Variants in UGT8 observed in about 807,000 individuals in gnomAD.
The protein encoded by UGT8 is UDP glycosyltransferase 8, also known as 2-hydroxyacylsphingosine 1-beta-galactosyltransferase.
In UGT8, 12 loss-of-function variants were observed where a neutral mutation model predicts 40.5. That is an observed-to-expected ratio of 0.30 (90% CI 0.19 to 0.48). UGT8 has a LOEUF of 0.48. Among genes scored for constraint, UGT8 ranks in the 20% least tolerant of loss-of-function variants. UGT8 has a pLI of 0.99. For missense variants in UGT8, 513 were observed against 648.7 expected (o/e 0.79, Z 2.27); for synonymous variants, 224 against 240.4 (o/e 0.93, Z 0.63).
chr4:114,634,105 G>T (rs902845187), intron 2 of UGT8, among the ~76,000 whole-genome samples: 6 of 152,194 alleles, frequency 3.9e-5, no homozygotes, highest in Non-Finnish European at 7.3e-5. Context: ...TATTTGGGAG[G>T]TAGAATTGAA....
At chr4:114,632,665 A>G (rs1732646127) in intron 2 of UGT8, among the ~76,000 whole-genome samples, 1 of 152,224 alleles carries the variant, frequency 6.6e-6, no homozygotes, top group Non-Finnish European at 1.5e-5. Flanking sequence ...TTTAAGAAAA[A>G]CATTAGGTTC....
chr4:114,674,057 A>AT (rs1735466420), intron 5 of UGT8, among the ~76,000 whole-genome samples: 2 of 152,102 alleles, frequency 1.3e-5, no homozygotes, highest in Non-Finnish European at 2.9e-5. Flanking sequence ...CTGCCTCTCA[A>AT]TTTTTTTGCA....
intron 1 of UGT8, among the ~76,000 whole-genome samples, chr4:114,619,084 T>C (rs1731612614): frequency 6.6e-6 from 1 of 152,126 alleles, no homozygotes; most frequent in Admixed American, 6.5e-5. Flanking sequence ...GTATTCTCTC[T>C]TCTTTTTATA....
chr4:114,663,233 T>G (rs1734661097), intron 2 of UGT8, among the ~76,000 whole-genome samples: 1 of 152,142 alleles, frequency 6.6e-6, no homozygotes, highest in South Asian at 2.1e-4. Flanking sequence ...TAACTCTTCC[T>G]GAGCTAGAGA....
upstream of UGT8, chr4:114,598,670 A>G (rs11098260): frequency 0.77 from 116,376 of 151,606 alleles, 45,888 homozygotes; most frequent in South Asian, 0.89. Context: ...GCGCGCTCCG[A>G]CTCTGCTCGC....
chr4:114,651,481 G>A (rs544834032), intron 2 of UGT8, among the ~76,000 whole-genome samples: 1 of 152,032 alleles, frequency 6.6e-6, no homozygotes, highest in Non-Finnish European at 1.5e-5. Flanking sequence ...AAGATTAAAA[G>A]CAAGAACAAA....
chr4:114,669,213 AG>A (rs1246142968), intron 5 of UGT8, among the ~76,000 whole-genome samples: 2 of 152,188 alleles, frequency 1.3e-5, no homozygotes, highest in Admixed American at 1.3e-4. Flanking sequence ...ATGTGAGCTC[AG>A]GGGTGACCTT....
intron 1 of UGT8, among the ~76,000 whole-genome samples, chr4:114,615,433 A>T (rs1288893340): frequency 6.6e-6 from 1 of 152,090 alleles, no homozygotes; most frequent in African/African-American, 2.4e-5. Flanking sequence ...AGCACTGAAA[A>T]TCCCACATCC....
chr4:114,662,816 CT>C (rs142469406), intron 2 of UGT8, among the ~76,000 whole-genome samples: 5 of 53,192 alleles, frequency 9.4e-5, no homozygotes, highest in South Asian at 1.3e-3. Context: ...TGTGACCATG[CT>C]TTTTTTTTTT....
Position 114,676,147 on chromosome 4 carries a change from G to A in UGT8, c.1485G>A (p.Val495=). 1.2e-6 allele frequency: 2 copies of A among 1,614,032 alleles called. No individual in the cohort carries two copies. The highest frequency in any genetic ancestry group is 1.3e-5 in the African/African-American group (1 of 74,970). The change falls in exon 6 of 6, where the codon GTG becomes GTA. Residue 495 remains valine (V), a synonymous_variant. Coordinates refer to ENST00000310836, the MANE Select transcript of UGT8 (RefSeq NM_001128174.3). The part of the protein sequence containing the change: ...AALLYFLLSW[V]TKFIYRKIKS... ...TGTTATACTTTCTCTTGTCTTGGGT[G>A]ACAAAATTTATCTACAGAAAAATCA...
intron 2 of UGT8, among the ~76,000 whole-genome samples, chr4:114,638,988 G>A (rs904469565): frequency 6.6e-5 from 10 of 152,094 alleles, no homozygotes; most frequent in African/African-American, 1.7e-4. Flanking sequence ...TACCTATATC[G>A]TTGGCTTATT....
chr4:114,650,028 A>G (rs1733805815), intron 2 of UGT8, among the ~76,000 whole-genome samples: 1 of 152,190 alleles, frequency 6.6e-6, no homozygotes, highest in Admixed American at 6.5e-5. Flanking sequence ...AACCACTTTC[A>G]TTGGTATGCA....
intron 4 of UGT8, among the ~76,000 whole-genome samples, chr4:114,666,645 A>G (rs939207109): frequency 3.3e-5 from 5 of 152,192 alleles, no homozygotes; most frequent in Admixed American, 1.3e-4. Flanking sequence ...CTGACTATCA[A>G]CTATTTCAGT....
chr4:114,662,277 T>G (rs1032666903), intron 2 of UGT8, among the ~76,000 whole-genome samples: 3 of 152,218 alleles, frequency 2.0e-5, no homozygotes, highest in African/African-American at 7.2e-5. Flanking sequence ...GAAAATCATC[T>G]GCCAAGACAG....
intron 2 of UGT8, among the ~76,000 whole-genome samples, chr4:114,629,171 T>C (rs1355993142): frequency 1.3e-5 from 2 of 152,188 alleles, no homozygotes. Context: ...TGTTATCTTA[T>C]GAAATTTAAA....
intron 5 of UGT8, among the ~76,000 whole-genome samples, chr4:114,675,201 T>C (rs1735548152): frequency 6.6e-6 from 1 of 152,168 alleles, no homozygotes; most frequent in African/African-American, 2.4e-5. Context: ...TAGAATGAAG[T>C]TCTGTATCTT....
At chr4:114,674,033 C>A (rs924209379) in intron 5 of UGT8, among the ~76,000 whole-genome samples, 2 of 152,190 alleles carry the variant, frequency 1.3e-5, no homozygotes, top group African/African-American at 4.8e-5. Context: ...TCACTCCTAA[C>A]AACCTTCTGT....
chr4:114,672,720 C>A (rs1242427290), intron 5 of UGT8, among the ~76,000 whole-genome samples: 1 of 152,102 alleles, frequency 6.6e-6, no homozygotes, highest in Non-Finnish European at 1.5e-5. Flanking sequence ...GTACAGCAAA[C>A]CACCATGGCA....
intron 1 of UGT8, among the ~76,000 whole-genome samples, chr4:114,615,484 A>G (rs1295806780): frequency 6.6e-6 from 1 of 152,112 alleles, no homozygotes; most frequent in Non-Finnish European, 1.5e-5. Context: ...TAGGCAAACC[A>G]GGATCCTGAG....
Sources: allele counts gnomAD v4.1 joint callset (sites outside exome capture counted in the v4.1 genomes callset), GRCh38; gene constraint gnomAD v4.1.1; transcripts MANE v1.5; gene names NCBI Gene and HGNC (gene_info 2026-07-23, HGNC 2026-07-21).